The following CACNG5 variants were observed in gnomAD, a reference collection of about 807,000 sequenced individuals.
The protein encoded by CACNG5 is calcium voltage-gated channel auxiliary subunit gamma 5.
Under a neutral mutation model 24.8 loss-of-function variants are expected in CACNG5, and 18 were observed. The observed-to-expected ratio is 0.73, with a 90% CI of 0.50 to 1.08. CACNG5 has a LOEUF of 1.08. Ranked by LOEUF, CACNG5 falls within the 50% of genes least tolerant of loss-of-function variation. The pLI is 0.00. For missense variants in CACNG5, 349 were observed against 367.9 expected, an observed-to-expected ratio of 0.95 and a Z score of 0.42; for synonymous variants, 157 against 149.1, an observed-to-expected ratio of 1.05 and a Z score of -0.39.
At chr17:66,884,842 G>T in intron 5 of CACNG5, 141 bp from the exon 6 acceptor site, 1 of 1,613,190 alleles carries the variant, frequency 6.2e-7, no homozygotes, top group Admixed American at 1.7e-5. Context: ...GTCTCCTCCG[G>T]CCAGGATGTC....
In CACNG5 at chr17:66,877,249, T is replaced by G. The variant is rs532271584; in HGVS notation, c.-84T>G. On this transcript the variant is annotated 5_prime_UTR_variant, in exon 2 of 6. Transcript: ENST00000533854. Reference sequence around the variant, plus strand: ...TCTCAGAGCCGTGGGTACTGCCACCTGCTCACCCACTCTCCCTAGCCCCAG... The same window carrying G: ...TCTCAGAGCCGTGGGTACTGCCACCGGCTCACCCACTCTCCCTAGCCCCAG... 1 of 1,190,608 alleles carries G rather than the reference T, an allele frequency of 8.4e-7. No homozygotes were observed. The highest frequency in any genetic ancestry group is 2.4e-5 in the East Asian group (1 of 42,144). 73.8% of individuals were successfully genotyped at this position (1,190,608 alleles called of 1,614,324 possible).
At chr17:66,862,696 G>C (rs1335295621) in intron 1 of CACNG5, among the ~76,000 whole-genome samples, 1 of 130,626 alleles carries the variant, frequency 7.7e-6, no homozygotes, top group Non-Finnish European at 1.5e-5. Context: ...AAGCAGCAGA[G>C]ATATGCTTCC....
chr17:66,880,476 G>T, intron 3 of CACNG5, 81 bp from the exon 4 acceptor site: 2 of 1,570,490 alleles, frequency 1.3e-6, no homozygotes, highest in South Asian at 2.3e-5. Flanking sequence ...GGTAGACACT[G>T]CCAGGAACAC....
chr17:66,844,349 A>G (rs1376559257), intron 1 of CACNG5, among the ~76,000 whole-genome samples: 1 of 152,224 alleles, frequency 6.6e-6, no homozygotes. Context: ...TTTGGAGCTC[A>G]ACTGTTCCAT....
intron 1 of CACNG5, among the ~76,000 whole-genome samples, chr17:66,876,226 A>T (rs1158018521): frequency 6.6e-6 from 1 of 152,220 alleles, no homozygotes. Context: ...GGCAGAATTT[A>T]AAAAATACCA....
rs1976549329 is a variant in CACNG5 at position 66,840,336 on chromosome 17, TC to T, written c.-104+5089del. Among the ~76,000 whole-genome samples the T allele has an allele frequency of 4.6e-5, 7 of 152,274 alleles. No individual in the cohort carries two copies. In the South Asian group the frequency reaches 1.4e-3, roughly 32 times the overall value. ...GTCAGGGGAAGTTAAGCACTCCCTC[TC>T]CCAGAGCTGAGGAGGAGGTCTGGCC... On this transcript the variant is annotated intron_variant, in intron 1 of 5. Coordinates refer to ENST00000533854, the MANE Select transcript of CACNG5 (RefSeq NM_145811.3).
chr17:66,860,298 G>T (rs1976835734), intron 1 of CACNG5, among the ~76,000 whole-genome samples: 1 of 152,110 alleles, frequency 6.6e-6, no homozygotes, highest in Non-Finnish European at 1.5e-5. Context: ...GTAAAGTGGG[G>T]ACAATAAGCT....
intron 1 of CACNG5, among the ~76,000 whole-genome samples, chr17:66,843,930 G>A (rs1168019216): frequency 6.7e-6 from 1 of 148,766 alleles, no homozygotes; most frequent in Non-Finnish European, 1.5e-5. Flanking sequence ...CATGGGGGAC[G>A]CAGCTGGGAA....
chr17:66,847,559 C>T (rs1976653727), intron 1 of CACNG5, among the ~76,000 whole-genome samples: 1 of 62,568 alleles, frequency 1.6e-5, no homozygotes, highest in African/African-American at 7.0e-5. Flanking sequence ...CCCCATGACT[C>T]AACTACCTCC....
rs112054189 is a variant in CACNG5, at chr17:66,848,910, C to T, written c.-104+13660C>T. Among the ~76,000 whole-genome samples, 440 of 152,264 alleles carry T rather than the reference C, an allele frequency of 2.9e-3. 2 individuals are homozygous for T. Among genetic ancestry groups the T allele is most frequent in the African/African-American group, 9.9e-3 (411 of 41,552 alleles). On this transcript the variant is annotated intron_variant, in intron 1 of 5. Transcript: ENST00000533854. ...AAGATGGCATTATGGGTGACACAGA[C>T]GCTGAGAGGGGTGTCCTCCCCAGGA... is the stretch of plus-strand genomic sequence containing the variant.
At chr17:66,850,059 A>G (rs2058756079) in intron 1 of CACNG5, among the ~76,000 whole-genome samples, 1 of 152,200 alleles carries the variant, frequency 6.6e-6, no homozygotes, top group Non-Finnish European at 1.5e-5. Flanking sequence ...GCAGATCACA[A>G]AGGGGTCAGG....
intron 1 of CACNG5, among the ~76,000 whole-genome samples, chr17:66,851,145 A>T (rs1455426787): frequency 6.6e-6 from 1 of 152,154 alleles, no homozygotes; most frequent in Admixed American, 6.5e-5. Context: ...ATTCTCTAGG[A>T]AGGTGGAGGA....
At position 66,893,584 on chromosome 17, in the gene CACNG5, A is replaced by G. The variant is rs191036317; in HGVS notation, c.*8344A>G. ...GATGCATCCTACCAACGTGACCCCA[A>G]GGAAAGTGCTGGAGGAATTGGGCTC... On this transcript the variant is annotated 3_prime_UTR_variant, in exon 6 of 6. Coordinates refer to ENST00000533854, the MANE Select transcript of CACNG5 (RefSeq NM_145811.3). Among the ~76,000 whole-genome samples the G allele has an allele frequency of 2.6e-5, 4 of 152,330 alleles. No homozygotes were observed. The highest frequency in any genetic ancestry group is 1.3e-4 in the Admixed American group (2 of 15,304).
intron 1 of CACNG5, among the ~76,000 whole-genome samples, chr17:66,863,031 C>T (rs1159991478): frequency 6.6e-6 from 1 of 151,574 alleles, no homozygotes; most frequent in Non-Finnish European, 1.5e-5. Flanking sequence ...TATTTCTTTT[C>T]TCCTATTATG....
chr17:66,881,245 A>G (rs1977154790), intron 4 of CACNG5, among the ~76,000 whole-genome samples: 1 of 152,190 alleles, frequency 6.6e-6, no homozygotes, highest in African/African-American at 2.4e-5. Context: ...CAAATCTGGG[A>G]TTGGAACCCA....
chr17:66,874,855 A>G (rs1977053625), intron 1 of CACNG5, among the ~76,000 whole-genome samples: 1 of 151,696 alleles, frequency 6.6e-6, no homozygotes, highest in Non-Finnish European at 1.5e-5. Flanking sequence ...TGCTCCCCTT[A>G]CTCCTGCTAA....
At chr17:66,836,263 G>A (rs746264654) in intron 1 of CACNG5, among the ~76,000 whole-genome samples, 6 of 152,196 alleles carry the variant, frequency 3.9e-5, no homozygotes, top group Non-Finnish European at 7.3e-5. Flanking sequence ...AGCTGTCTCA[G>A]TTTGACAGAT....
intron 1 of CACNG5, among the ~76,000 whole-genome samples, chr17:66,865,594 A>G (rs536755255): frequency 2.0e-4 from 30 of 151,470 alleles, no homozygotes; most frequent in Non-Finnish European, 3.5e-4. Context: ...GGGTAAAAAA[A>G]TGCCTTTAAA....
Position 66,894,175 on chromosome 17 carries a change from G to T in CACNG5, c.*8935G>T, listed in dbSNP as rs8072335. Among the ~76,000 whole-genome samples the T allele has an allele frequency of 0.011, 1,679 of 152,236 alleles. 63 individuals carry two copies. In the East Asian group the frequency reaches 0.12, roughly 11 times the overall value. On this transcript the variant is annotated 3_prime_UTR_variant, in exon 6 of 6. Transcript: ENST00000533854. The stretch of plus-strand genomic sequence containing the variant: ...CCATCAATTGCACCTCCTCACTCAT[G>T]TCCTTCCAGGTGTGGGGACTGTCCC...
Sources: gnomAD v4.1 joint callset for allele counts (sites outside exome capture counted in the v4.1 genomes callset) on GRCh38, gnomAD v4.1.1 for gene constraint, MANE v1.5 for transcripts, NCBI Gene and HGNC (gene_info 2026-07-23, HGNC 2026-07-21) for gene names.